The following TIMM21 variants were observed in gnomAD, a reference collection of about 807,000 sequenced individuals.
The protein encoded by TIMM21 is mitochondrial import inner membrane translocase subunit Tim21.
Under a neutral mutation model 27.7 loss-of-function variants are expected in TIMM21, and 30 were observed. The observed-to-expected ratio is 1.08, with a 90% CI of 0.81 to 1.47. The LOEUF is 1.47. Among genes scored for constraint, TIMM21 ranks in the 40% most tolerant of loss-of-function variants. The probability of loss-of-function intolerance (pLI) is 0.00; values close to 1 mark genes in which losing one functional copy is unlikely to be tolerated. For missense variants in TIMM21, 292 were observed against 302.9 expected, an observed-to-expected ratio of 0.96 and a Z score of 0.27; for synonymous variants, 121 against 114.4, an observed-to-expected ratio of 1.06 and a Z score of -0.37.
rs1390455921 is a variant in TIMM21 at position 74,148,735 on chromosome 18, G to T, written c.-74G>T. On this transcript the variant is annotated 5_prime_UTR_variant, in exon 1 of 6. Transcript: ENST00000169551. ...TATAGGCTTGAGTACGTGTCCGGCCGCATGTGTAGTGAACCCTAAAGCTTT... is the reference window on the plus strand; with the variant it reads ...TATAGGCTTGAGTACGTGTCCGGCCTCATGTGTAGTGAACCCTAAAGCTTT... 6.9e-7 allele frequency: 1 copy of T among 1,440,304 alleles called. No individual in the cohort carries two copies. The highest frequency in any genetic ancestry group is 1.4e-5 in the African/African-American group (1 of 70,584). 89.2% of individuals were successfully genotyped at this position (1,440,304 alleles called of 1,614,324 possible).
Position 74,155,372 on chromosome 18 carries a change from G to C in TIMM21, c.431G>C (p.Arg144Thr), listed in dbSNP as rs199965974. Reference sequence around the variant, plus strand: ...TCCAGTCCTAGCAAGATATATGGGAGAGCCTTAGAAAAATGCAGATCACAT... The same window carrying C: ...TCCAGTCCTAGCAAGATATATGGGACAGCCTTAGAAAAATGCAGATCACAT... ...SSSSPSKIYGRALEKCRSHPE... is the reference protein window; with the variant it reads ...SSSSPSKIYGTALEKCRSHPE... The change falls in exon 3 of 6, where the codon AGA (arginine) becomes ACA (threonine). Residue 144 changes from arginine to threonine, a missense_variant. Arg to Thr is a moderately conservative substitution (Grantham distance 71). Transcript: ENST00000169551. The C allele has an allele frequency of 1.2e-6, 2 of 1,612,978 alleles. No homozygotes were observed. The highest frequency in any genetic ancestry group is 1.7e-6 in the Non-Finnish European group (2 of 1,179,766).
At chr18:74,151,939 C>T (rs113689197) in intron 1 of TIMM21, among the ~76,000 whole-genome samples, 10 of 125,616 alleles carry the variant, frequency 8.0e-5, no homozygotes, top group African/African-American at 3.0e-4. Flanking sequence ...GTCTATGTTC[C>T]CCCCCCCCCC....
At chr18:74,158,148 C>T (rs748381491) in intron 4 of TIMM21, 23 bp from the exon 5 acceptor site, 8 of 1,613,824 alleles carry the variant, frequency 5.0e-6, no homozygotes, top group Non-Finnish European at 6.8e-6. Context: ...GGAACTTAGA[C>T]TGATCTTTCG....
At chr18:74,154,408 C>G (rs559184280) in intron 1 of TIMM21, among the ~76,000 whole-genome samples, 2,276 of 152,272 alleles carry the variant, frequency 0.015, 21 homozygotes, top group Non-Finnish European at 0.021. Flanking sequence ...ACTACAGGCG[C>G]CCGCCACTGC....
At chr18:74,153,276 T>A (rs1458004360) in intron 1 of TIMM21, among the ~76,000 whole-genome samples, 1 of 152,222 alleles carries the variant, frequency 6.6e-6, no homozygotes, top group Non-Finnish European at 1.5e-5. Context: ...AGCACAGGGC[T>A]TTATATATAA....
At chr18:74,156,480 C>T (rs1979954250) in intron 3 of TIMM21, 1 of 392,888 alleles carries the variant, frequency 2.5e-6, no homozygotes, top group East Asian at 3.6e-5. Flanking sequence ...TCTGGACAGC[C>T]AGTGGTAACC....
rs1368844333 is a variant in TIMM21 at position 74,152,265 on chromosome 18, G to C, written c.302-2880G>C. Among the ~76,000 whole-genome samples the C allele has an allele frequency of 6.6e-6, 1 of 152,068 alleles. No individual in the cohort carries two copies. On this transcript the variant is annotated intron_variant, in intron 1 of 5. Transcript: ENST00000169551. The surrounding 1 kb of genome is among the most constrained non-coding windows in gnomAD (Gnocchi z 4.1). ...CTCCCAAATCAGGACCCTGACCTTG[G>C]TGTGGGAGGTCTCATGGGCTTGAAA...
At chr18:74,151,936 T>A (rs1397829582) in intron 1 of TIMM21, among the ~76,000 whole-genome samples, 2 of 107,052 alleles carry the variant, frequency 1.9e-5, no homozygotes, top group South Asian at 2.8e-4. Context: ...GGTGTCTATG[T>A]TCCCCCCCCC....
chr18:74,157,011 G>C (rs1979969033), intron 3 of TIMM21: 1 of 152,094 alleles, frequency 6.6e-6, no homozygotes, highest in African/African-American at 2.4e-5. Context: ...TTTTATCCTG[G>C]AAAATGTGAT....
Position 74,158,298 on chromosome 18 carries a change from G to A in TIMM21, c.642+22G>A, listed in dbSNP as rs532101704. 4.6e-4 allele frequency: 737 copies of A among 1,613,436 alleles called. 6 individuals carry two copies. In the South Asian group the frequency reaches 7.9e-3, roughly 17 times the overall value. Reference sequence around the variant, plus strand: ...AGAGGTGTGGGAATCATGGGATGTGGGGTCAGAGGTTCTGAGCGCGGTGTT... The same window carrying A: ...AGAGGTGTGGGAATCATGGGATGTGAGGTCAGAGGTTCTGAGCGCGGTGTT... On this transcript the variant is annotated intron_variant, in intron 5 of 5. Transcript: ENST00000169551.
At chr18:74,151,367 C>A (rs1281810301) in intron 1 of TIMM21, among the ~76,000 whole-genome samples, 1 of 152,122 alleles carries the variant, frequency 6.6e-6, no homozygotes, top group Non-Finnish European at 1.5e-5. Flanking sequence ...TAGCCTTGTC[C>A]GCTGCCCTTG....
chr18:74,160,329 AAC>A lies in TIMM21; in HGVS notation c.*1851_*1852del, dbSNP rs1491082948. 1.3e-5 allele frequency: 2 copies of A among 151,828 alleles called. No homozygotes were observed. The highest frequency in any genetic ancestry group is 4.8e-5 in the African/African-American group (2 of 41,260). 9.4% of individuals were successfully genotyped at this position (151,828 alleles called of 1,614,324 possible). A position where few individuals can be genotyped will look rare whatever the true frequency, so the allele number is the denominator to read the frequency against. ...GTGTGACTTCGTCTCAAAAAAAAAA[AAC>A]AAAAAACAGATCTGAGCTTTTATAA... On this transcript the variant is annotated 3_prime_UTR_variant, in exon 6 of 6. Coordinates refer to ENST00000169551, the MANE Select transcript of TIMM21 (RefSeq NM_014177.3).
Position 74,158,274 on chromosome 18 carries a change from G to A in TIMM21, c.640G>A (p.Glu214Lys), listed in dbSNP as rs1031353155. 28 of 1,614,210 alleles carry A rather than the reference G, an allele frequency of 1.7e-5. No homozygotes were observed. The highest frequency in any genetic ancestry group is 3.3e-4 in the Middle Eastern group (2 of 6,062). ...KQGTVYAQVKENPGSGEYDFR... is the reference protein window; with the variant it reads ...KQGTVYAQVKKNPGSGEYDFR... ...AGGAACGGTGTATGCGCAAGTGAAA[G>A]AGGTGTGGGAATCATGGGATGTGGG... The change falls in exon 5 of 6, where the codon GAG (glutamate) becomes AAG (lysine). Residue 214 changes from glutamate (E) to lysine (K), a missense_variant and splice_region_variant. Physicochemically the swap from Glu to Lys is moderately conservative, Grantham distance 56. Transcript: ENST00000169551.
Position 74,158,792 on chromosome 18 carries a change from G to C in TIMM21, c.*312G>C. On this transcript the variant is annotated 3_prime_UTR_variant, in exon 6 of 6. Transcript: ENST00000169551. ...AATAAAGGAAATAGATTTTAGTATT[G>C]TATTCATTTTATATTATAGAACTGC... 10 of 266,832 alleles carry C rather than the reference G, an allele frequency of 3.7e-5. No homozygotes were observed. The South Asian group carries it at 4.2e-4, about 11-fold the overall frequency. 16.5% of individuals were successfully genotyped at this position (266,832 alleles called of 1,614,324 possible).
At chr18:74,157,804 C>G in intron 3 of TIMM21, 1 of 559,406 alleles carries the variant, frequency 1.8e-6, no homozygotes, top group South Asian at 2.4e-5. Flanking sequence ...ACCTAGTTGG[C>G]CAGGCTAGTC....
intron 1 of TIMM21, among the ~76,000 whole-genome samples, chr18:74,154,646 A>G (rs1157159011): frequency 2.0e-5 from 3 of 152,246 alleles, no homozygotes; most frequent in African/African-American, 7.2e-5. Flanking sequence ...GTGGGAAAAC[A>G]AATGTCTGGT....
chr18:74,149,093 C>T lies in TIMM21; in HGVS notation c.285C>T (p.Val95=), dbSNP rs760245172. ...GGAGTCAGAGAGGGGGAACCGCCGTCCCAACATCACAAAAAGGTAAAAAGG... is the reference window on the plus strand; with the variant it reads ...GGAGTCAGAGAGGGGGAACCGCCGTTCCAACATCACAAAAAGGTAAAAAGG... The part of the protein sequence containing the change: ...VHRSQRGGTA[V]PTSQKVKEAG... Residue 95 remains valine (V), a synonymous_variant, in exon 1 of 6, where the codon GTC becomes GTT. Coordinates refer to ENST00000169551, the MANE Select transcript of TIMM21 (RefSeq NM_014177.3). 6.2e-7 allele frequency: 1 copy of T among 1,609,194 alleles called. No homozygotes were observed. The highest frequency in any genetic ancestry group is 8.5e-7 in the Non-Finnish European group (1 of 1,176,734).
intron 3 of TIMM21, 53 bp downstream of exon 3, chr18:74,155,456 T>C: frequency 6.8e-7 from 1 of 1,461,394 alleles, no homozygotes; most frequent in Non-Finnish European, 9.4e-7. Context: ...AGAAAATGTC[T>C]GGGAGGAGGA....
rs1979675498 is a variant in TIMM21 at position 74,148,646 on chromosome 18, T to A, written c.-163T>A. The A allele has an allele frequency of 1.5e-6, 1 of 655,138 alleles. No homozygotes were observed. 40.6% of individuals were successfully genotyped at this position (655,138 alleles called of 1,614,324 possible). A position where few individuals can be genotyped will look rare whatever the true frequency, so the allele number is the denominator to read the frequency against. On this transcript the variant is annotated 5_prime_UTR_variant, in exon 1 of 6. Coordinates refer to ENST00000169551, the MANE Select transcript of TIMM21 (RefSeq NM_014177.3). Reference sequence around the variant, plus strand: ...TAGACATCAGGTTCTCCCTGGAGACTTTTCGTTTTCATTTACGCTGCGGAA... The same window carrying A: ...TAGACATCAGGTTCTCCCTGGAGACATTTCGTTTTCATTTACGCTGCGGAA...
Sources: allele counts gnomAD v4.1 joint callset (sites outside exome capture counted in the v4.1 genomes callset), GRCh38; gene constraint gnomAD v4.1.1; non-coding constraint Gnocchi (gnomAD v3.1); transcripts MANE v1.5; gene names NCBI Gene and HGNC (gene_info 2026-07-23, HGNC 2026-07-21).